Variants in ARB2A observed in about 807,000 individuals in gnomAD.
ARB2A encodes ARB2 cotranscriptional regulator A.
the ARB2A span, among the ~76,000 whole-genome samples, chr5:93,769,467 A>T: frequency 6.6e-6 from 1 of 152,146 alleles, no homozygotes; most frequent in African/African-American, 2.4e-5. Context: ...TCCTGCCATC[A>T]CCTCAATCAA....
the ARB2A span, among the ~76,000 whole-genome samples, chr5:93,956,617 T>C: frequency 6.6e-6 from 1 of 151,854 alleles, no homozygotes; most frequent in Non-Finnish European, 1.5e-5. Context: ...AATCTTTCTT[T>C]AAATAAAACT....
At chr5:94,095,353 C>A in the ARB2A span, among the ~76,000 whole-genome samples, 1 of 152,100 alleles carries the variant, frequency 6.6e-6, no homozygotes, top group African/African-American at 2.4e-5. Flanking sequence ...TTTACTAAAT[C>A]GAGATAAGAG....
At chr5:93,912,766 A>G in the ARB2A span, among the ~76,000 whole-genome samples, 1 of 151,886 alleles carries the variant, frequency 6.6e-6, no homozygotes, top group Non-Finnish European at 1.5e-5. Context: ...AGACAAGCAA[A>G]TAATTCTTCA....
the ARB2A span, among the ~76,000 whole-genome samples, chr5:94,085,696 T>C: frequency 1.3e-5 from 2 of 152,148 alleles, no homozygotes; most frequent in Admixed American, 6.5e-5. Context: ...CTGGGGACCA[T>C]CTTAGAATTT....
At chr5:93,788,307 T>G in the ARB2A span, among the ~76,000 whole-genome samples, 1 of 151,850 alleles carries the variant, frequency 6.6e-6, no homozygotes, top group Admixed American at 6.6e-5. Context: ...ATAATAGGAG[T>G]ATTCATTCGG....
chr5:93,911,728 T>C, the ARB2A span, among the ~76,000 whole-genome samples: 1 of 151,630 alleles, frequency 6.6e-6, no homozygotes, highest in East Asian at 1.9e-4. Flanking sequence ...ATCTGAGTGA[T>C]TGTATGTTAC....
the ARB2A span, among the ~76,000 whole-genome samples, chr5:93,806,099 A>C: frequency 6.6e-6 from 1 of 151,938 alleles, no homozygotes; most frequent in Non-Finnish European, 1.5e-5. Flanking sequence ...AGCTGGAAAA[A>C]ATGTACAAAC....
At chr5:93,714,931 A>C in the ARB2A span, among the ~76,000 whole-genome samples, 2 of 152,220 alleles carry the variant, frequency 1.3e-5, no homozygotes, top group African/African-American at 4.8e-5. Context: ...ATCATCTTAC[A>C]TATTAATTTC....
the ARB2A span, among the ~76,000 whole-genome samples, chr5:93,723,433 T>C: frequency 1.3e-5 from 2 of 152,102 alleles, no homozygotes; most frequent in Admixed American, 1.3e-4. Context: ...AATTCTGTTG[T>C]GCACATGAGG....
chr5:93,812,173 G>T, the ARB2A span, among the ~76,000 whole-genome samples: 1 of 152,060 alleles, frequency 6.6e-6, no homozygotes, highest in African/African-American at 2.4e-5. Context: ...ATATAAATAT[G>T]TTTAATATTT....
chr5:93,857,252 A>G, the ARB2A span, among the ~76,000 whole-genome samples: 1 of 152,132 alleles, frequency 6.6e-6, no homozygotes, highest in African/African-American at 2.4e-5. Context: ...CCACTTGAGG[A>G]GGCAGTCTGC....
the ARB2A span, among the ~76,000 whole-genome samples, chr5:93,974,725 T>G: frequency 2.6e-5 from 4 of 152,036 alleles, no homozygotes; most frequent in African/African-American, 4.8e-5. Context: ...GTAAATTTTT[T>G]GAAAAAACTA....
At chr5:93,722,526 C>T in the ARB2A span, among the ~76,000 whole-genome samples, 5 of 152,020 alleles carry the variant, frequency 3.3e-5, no homozygotes, top group East Asian at 9.6e-4. Flanking sequence ...CTGCCTGTTG[C>T]TTTAAAAGAA....
chr5:93,621,263 GCCTCAGCCGCCCGCGCCCCGCC>G, the ARB2A span: 1 of 679,908 alleles, frequency 1.5e-6, no homozygotes, highest in Non-Finnish European at 1.9e-6. Context: ...CCTGCGCCCC[GCCTCAGCCGCCCGCGCCCCGCC>G]CCTCAGCCAG....
chr5:93,834,210 T>C, the ARB2A span, among the ~76,000 whole-genome samples: 1 of 152,178 alleles, frequency 6.6e-6, no homozygotes, highest in Non-Finnish European at 1.5e-5. Context: ...TGCTACTAAC[T>C]GAAGAAACGG....
chr5:94,005,918 C>G, the ARB2A span, among the ~76,000 whole-genome samples: 1 of 152,126 alleles, frequency 6.6e-6, no homozygotes, highest in Non-Finnish European at 1.5e-5. Context: ...CTGGATAACC[C>G]ATACACTGCT....
the ARB2A span, among the ~76,000 whole-genome samples, chr5:93,790,840 C>T: frequency 6.6e-6 from 1 of 152,152 alleles, no homozygotes; most frequent in Non-Finnish European, 1.5e-5. Flanking sequence ...TATGCATAGG[C>T]TTTAGAATTA....
At chr5:93,865,408 A>G in the ARB2A span, 9 of 985,422 alleles carry the variant, frequency 9.1e-6, no homozygotes, top group Non-Finnish European at 1.1e-5. Context: ...GTGAGTAGAA[A>G]TTACATGCTT....
At chr5:93,726,530 G>A in the ARB2A span, among the ~76,000 whole-genome samples, 1 of 152,074 alleles carries the variant, frequency 6.6e-6, no homozygotes, top group Non-Finnish European at 1.5e-5. Flanking sequence ...CTGTGAGAAA[G>A]AAAGAATGAG....
Sources: gnomAD v4.1 joint callset for allele counts (sites outside exome capture counted in the v4.1 genomes callset) on GRCh38, gnomAD v4.1.1 for gene constraint, MANE v1.5 for transcripts, NCBI Gene and HGNC (gene_info 2026-07-23, HGNC 2026-07-21) for gene names.